The following NIPBL variants were observed in gnomAD, a reference collection of about 807,000 sequenced individuals.
The protein encoded by NIPBL is nipped-B-like protein.
A neutral mutation model predicts 321.8 loss-of-function variants in NIPBL; 19 were observed. The observed-to-expected ratio is 0.06, with a 90% CI of 0.04 to 0.09. The LOEUF is 0.09. NIPBL is among the 10% of genes least tolerant of loss of function. The pLI is 1.00. For missense variants in NIPBL, 2,210 were observed against 3,327.0 expected (o/e 0.66, Z 8.26); for synonymous variants, 1,106 against 1,114.1 (o/e 0.99, Z 0.14).
At chr5:36,958,318 C>A in intron 4 of NIPBL, 87 bp downstream of exon 4, 1 of 1,347,310 alleles carries the variant, frequency 7.4e-7, no homozygotes. Flanking sequence ...GCTGGCCTAT[C>A]AGGAATGCGA....
intron 29 of NIPBL, among the ~76,000 whole-genome samples, chr5:37,023,795 C>T (rs1436351415): frequency 2.6e-5 from 3 of 114,360 alleles, no homozygotes; most frequent in African/African-American, 3.5e-5. Flanking sequence ...ATGACATTGA[C>T]GGATTAAAAA....
intron 12 of NIPBL, 75 bp from the exon 13 acceptor site, chr5:37,000,742 A>G: frequency 2.1e-6 from 3 of 1,408,044 alleles, no homozygotes; most frequent in Non-Finnish European, 3.0e-6. Flanking sequence ...CGTTCAGGAA[A>G]AAAACTAGAA....
chr5:36,952,324 C>T (rs1011586524), intron 1 of NIPBL, among the ~76,000 whole-genome samples: 1 of 151,950 alleles, frequency 6.6e-6, no homozygotes, highest in East Asian at 1.9e-4. Context: ...GCAAATACAA[C>T]CTTAAAAAGA....
chr5:36,913,802 A>G (rs1402542499), intron 1 of NIPBL, among the ~76,000 whole-genome samples: 3 of 152,224 alleles, frequency 2.0e-5, no homozygotes, highest in African/African-American at 7.2e-5. Context: ...TTCACTGTAT[A>G]GCAGCTGGTT....
chr5:36,877,052 C>T lies in NIPBL; in HGVS notation c.-206C>T, dbSNP rs1441547725. The T allele has an allele frequency of 8.3e-6, 3 of 360,868 alleles. No homozygotes were observed. In the East Asian group the frequency reaches 1.3e-4, roughly 15 times the overall value. The allele number at this position is 360,868 out of a possible 1,614,324, so 22.4% of individuals were successfully genotyped here. Reference sequence around the variant, plus strand: ...GTCTTCTCGGCTGGTCTCCCCCCGGCTCTACATGTTCCCCGCACTGAGGAG... The same window carrying T: ...GTCTTCTCGGCTGGTCTCCCCCCGGTTCTACATGTTCCCCGCACTGAGGAG... On this transcript the variant is annotated 5_prime_UTR_variant, in exon 1 of 47. Coordinates refer to ENST00000282516, the MANE Select transcript of NIPBL (RefSeq NM_133433.4).
chr5:37,014,648 T>A (rs770741826), intron 21 of NIPBL, 35 bp from the exon 22 acceptor site: 9 of 1,257,088 alleles, frequency 7.2e-6, no homozygotes, highest in Non-Finnish European at 1.1e-5. Flanking sequence ...TTATTATTTC[T>A]TGTATCTTTA....
intron 4 of NIPBL, among the ~76,000 whole-genome samples, chr5:36,959,546 A>G (rs887680529): frequency 6.6e-6 from 1 of 152,206 alleles, no homozygotes; most frequent in Non-Finnish European, 1.5e-5. Context: ...TAGAGTTATG[A>G]CGGCTTTCTG....
chr5:36,974,794 G>A (rs1561099874), intron 8 of NIPBL, among the ~76,000 whole-genome samples: 1 of 152,010 alleles, frequency 6.6e-6, no homozygotes, highest in Non-Finnish European at 1.5e-5. Flanking sequence ...TTAATTGAAG[G>A]CAGTTCTAGG....
chr5:36,960,349 T>C (rs2149605609), intron 4 of NIPBL, among the ~76,000 whole-genome samples: 1 of 151,152 alleles, frequency 6.6e-6, no homozygotes, highest in Middle Eastern at 3.4e-3. Context: ...CATTGAGTGT[T>C]CATCTCCCTC....
chr5:36,980,252 G>A (rs1743983773), intron 9 of NIPBL, among the ~76,000 whole-genome samples: 1 of 151,600 alleles, frequency 6.6e-6, no homozygotes, highest in Non-Finnish European at 1.5e-5. Context: ...ATCTGTGATG[G>A]CATAGTTAAC....
At position 37,057,203 on chromosome 5, in the gene NIPBL, G is replaced by T; in HGVS notation, c.7281G>T (p.Met2427Ile). The change falls in exon 43 of 47, where the codon ATG (methionine) becomes ATT (isoleucine). Residue 2427 changes from methionine to isoleucine, a missense_variant. Coordinates refer to ENST00000282516, the MANE Select transcript of NIPBL (RefSeq NM_133433.4). ...ATTTACAGAAAACAGACGTGACTAT[G>T]CTCTTGTATATAGCAGACAATCTAG... Reference protein sequence around the residue: ...FDDTAKTDVTMLLYIADNLAC... With the variant: ...FDDTAKTDVTILLYIADNLAC... 1.2e-6 allele frequency: 2 copies of T among 1,613,660 alleles called. No homozygotes were observed. Among genetic ancestry groups the T allele is most frequent in the Non-Finnish European group, 1.7e-6 (2 of 1,179,914 alleles).
At chr5:37,050,526 A>G (rs991932777) in intron 40 of NIPBL, among the ~76,000 whole-genome samples, 4 of 152,018 alleles carry the variant, frequency 2.6e-5, no homozygotes, top group Admixed American at 1.3e-4. Flanking sequence ...CAAAAGTGAT[A>G]CGATGAATTC....
intron 1 of NIPBL, among the ~76,000 whole-genome samples, chr5:36,931,923 G>A (rs899490101): frequency 2.6e-5 from 4 of 151,606 alleles, no homozygotes; most frequent in African/African-American, 9.7e-5. Context: ...TCTAATATGG[G>A]CATTTAAAGC....
chr5:37,058,767 A>T (rs993051508), intron 43 of NIPBL, 124 bp from the exon 44 acceptor site: 1 of 772,766 alleles, frequency 1.3e-6, no homozygotes, highest in Non-Finnish European at 2.1e-6. Context: ...AGTTGTTGAT[A>T]TAAAGTCAAG....
intron 21 of NIPBL, among the ~76,000 whole-genome samples, chr5:37,013,505 G>C (rs1015185913): frequency 1.3e-4 from 19 of 151,770 alleles, no homozygotes; most frequent in Admixed American, 6.6e-5. Context: ...GCGGTTGCCA[G>C]GCAGAGGGTC....
At chr5:36,884,097 A>C (rs180811598) in intron 1 of NIPBL, among the ~76,000 whole-genome samples, 14 of 152,242 alleles carry the variant, frequency 9.2e-5, no homozygotes, top group Admixed American at 4.6e-4. Context: ...TGAAAGACAC[A>C]CATGACATAC....
intron 9 of NIPBL, among the ~76,000 whole-genome samples, chr5:36,978,211 A>G (rs1485239644): frequency 1.3e-5 from 2 of 152,168 alleles, no homozygotes; most frequent in East Asian, 3.9e-4. Flanking sequence ...GAACTAATTT[A>G]CATTCCCACC....
intron 15 of NIPBL, among the ~76,000 whole-genome samples, 176 bp downstream of exon 15, chr5:37,002,941 TCTGCAGATTATTC>T (rs2149672776): frequency 6.6e-6 from 1 of 152,140 alleles, no homozygotes; most frequent in South Asian, 2.1e-4. Context: ...AAAAAAGTAT[TCTGCAGATTATTC>T]TAAAGAGAAT....
At chr5:36,885,602 G>T in intron 1 of NIPBL, 1 of 533,028 alleles carries the variant, frequency 1.9e-6, no homozygotes, top group South Asian at 1.4e-5. Flanking sequence ...CAAGACCATC[G>T]AGGATCTGAG....
Sources: gnomAD v4.1 joint callset for allele counts (sites outside exome capture counted in the v4.1 genomes callset) on GRCh38, gnomAD v4.1.1 for gene constraint, MANE v1.5 for transcripts, NCBI Gene and HGNC (gene_info 2026-07-23, HGNC 2026-07-21) for gene names.